The following NEB variants were observed in gnomAD, a reference collection of about 807,000 sequenced individuals.
NEB encodes the protein nebulin.
A neutral mutation model predicts 952.2 loss-of-function variants in NEB; 512 were observed. The observed-to-expected ratio is 0.54, with a 90% CI of 0.50 to 0.58. The LOEUF is 0.58. Ranked by LOEUF, NEB falls within the 20% of genes least tolerant of loss-of-function variation. NEB has a pLI of 0.00. For missense variants in NEB, 8,428 were observed against 9,231.1 expected, an observed-to-expected ratio of 0.91 and a Z score of 3.56; for synonymous variants, 2,900 against 3,149.8, an observed-to-expected ratio of 0.92 and a Z score of 2.66.
chr2:151,512,739 T>C lies in NEB; in HGVS notation c.23340A>G (p.Ser7780=), dbSNP rs761315020. The change falls in exon 161 of 182, where the codon TCA becomes TCG. Residue 7780 remains serine, a synonymous_variant. Coordinates refer to ENST00000397345, the MANE Select transcript of NEB (RefSeq NM_001164508.2). ...GCATGACGAATGTCCTTACCTGGCTTGAAAGATTCTTGACTTGTTGGGCAT... is the reference window on the plus strand; with the variant it reads ...GCATGACGAATGTCCTTACCTGGCTCGAAAGATTCTTGACTTGTTGGGCAT... ...IIHAQQVKNL[S]SQKKYKEDAE... 1.5e-5 allele frequency: 24 copies of C among 1,612,626 alleles called. No homozygotes were observed. The highest frequency in any genetic ancestry group is 2.0e-5 in the Non-Finnish European group (23 of 1,178,800).
intron 121 of NEB, 67 bp downstream of exon 121, chr2:151,562,043 G>T: frequency 7.8e-7 from 1 of 1,276,888 alleles, no homozygotes; most frequent in Non-Finnish European, 1.1e-6. Flanking sequence ...CTGCCCATCA[G>T]CCCACTGACA....
intron 63 of NEB, among the ~76,000 whole-genome samples, chr2:151,638,416 G>A (rs1308655928): frequency 6.6e-6 from 1 of 152,210 alleles, no homozygotes; most frequent in Non-Finnish European, 1.5e-5. Context: ...TATTGGATTT[G>A]AAGGTGAACC....
At chr2:151,697,723 A>G in intron 13 of NEB, 75 bp from the exon 14 acceptor site, 2 of 932,664 alleles carry the variant, frequency 2.1e-6, no homozygotes, top group Non-Finnish European at 3.3e-6. Flanking sequence ...ACATTTTCTA[A>G]CACTAAACAA....
At position 151,526,945 on chromosome 2, in the gene NEB, G is replaced by A; in HGVS notation, c.21918C>T (p.Ala7306=). ...CACTTTCTATTAAAGTATTCCTGAG[G>A]GCGAGCACCGTGTTTTTGTCATCAG... is the stretch of plus-strand genomic sequence containing the variant. ...SVTDDKNTVL[A]LRNTLIESDL... is the part of the protein sequence containing the mutation. The change falls in exon 148 of 182, where the codon GCC becomes GCT. Residue 7306 remains alanine (A), a synonymous_variant. Coordinates refer to ENST00000397345, the MANE Select transcript of NEB (RefSeq NM_001164508.2). 1.2e-6 allele frequency: 2 copies of A among 1,600,908 alleles called. No homozygotes were observed. The highest frequency in any genetic ancestry group is 2.2e-5 in the East Asian group (1 of 44,592).
In NEB at chr2:151,701,528, C is replaced by T. The variant is rs376866297; in HGVS notation, c.1153-3880G>A. On this transcript the variant is annotated intron_variant, in intron 13 of 181. Transcript: ENST00000397345. ...TTTTGGTTGGTAAACTATTGATTAT[C>T]GCCACAATTTCAGCTCCTGTTATTG... is the stretch of plus-strand genomic sequence containing the variant. Among the ~76,000 whole-genome samples, 157 of 150,824 alleles carry T rather than the reference C, an allele frequency of 1.0e-3. 1 individual carries two copies. Among genetic ancestry groups the T allele is most frequent in the African/African-American group, 3.4e-3 (138 of 40,922 alleles).
chr2:151,621,553 G>A (rs1455280568), intron 71 of NEB, among the ~76,000 whole-genome samples: 1 of 152,204 alleles, frequency 6.6e-6, no homozygotes, highest in Non-Finnish European at 1.5e-5. Flanking sequence ...TCGAGGACAT[G>A]AGGGTAGCAG....
chr2:151,554,032 A>G lies in NEB; in HGVS notation c.19429-7T>C, dbSNP rs561767644. 4.6e-5 allele frequency: 74 copies of G among 1,613,060 alleles called. No homozygotes were observed. The South Asian group carries it at 7.7e-4, about 17-fold the overall frequency. On this transcript the variant is annotated splice_region_variant and splice_polypyrimidine_tract_variant and intron_variant, in intron 125 of 181. Coordinates refer to ENST00000397345, the MANE Select transcript of NEB (RefSeq NM_001164508.2). ...AAACTGATCTGTACAGGCGCTGTAA[A>G]GTTAAAATCACATGCCAGTTATACA...
chr2:151,578,352 C>T (rs549074640), intron 105 of NEB, among the ~76,000 whole-genome samples: 6 of 149,506 alleles, frequency 4.0e-5, no homozygotes, highest in African/African-American at 1.2e-4. Flanking sequence ...ATGGTCCTGC[C>T]CTTCTTTGAT....
At chr2:151,525,343 G>T in intron 150 of NEB, 70 bp from the exon 151 acceptor site, 1 of 1,139,458 alleles carries the variant, frequency 8.8e-7, no homozygotes, top group Non-Finnish European at 1.3e-6. Context: ...TTGAAGAACT[G>T]TGAAATCTCC....
intron 8 of NEB, 127 bp downstream of exon 8, chr2:151,724,133 T>A (rs943776992): frequency 2.5e-5 from 19 of 757,950 alleles, no homozygotes; most frequent in Non-Finnish European, 3.7e-5. Context: ...GTCTCACATG[T>A]CTCAAGGCTA....
intron 78 of NEB, 28 bp from the exon 79 acceptor site, chr2:151,610,894 G>A: frequency 7.3e-7 from 1 of 1,375,346 alleles, no homozygotes; most frequent in Non-Finnish European, 1.0e-6. Context: ...ATGGGGCATG[G>A]GGAGAGGGAG....
At chr2:151,527,081 C>T in intron 147 of NEB, 59 bp from the exon 148 acceptor site, 1 of 1,168,014 alleles carries the variant, frequency 8.6e-7, no homozygotes, top group South Asian at 1.3e-5. Context: ...GGAAGCTGGG[C>T]ATTTGATTAA....
chr2:151,519,112 A>G (rs1319878813), intron 154 of NEB, 43 bp from the exon 155 acceptor site: 2 of 1,232,144 alleles, frequency 1.6e-6, no homozygotes, highest in African/African-American at 1.5e-5. Flanking sequence ...TAAATAGGAA[A>G]TGGAACAGCA....
chr2:151,701,943 T>C (rs1191830551), intron 13 of NEB, among the ~76,000 whole-genome samples: 6 of 141,016 alleles, frequency 4.3e-5, no homozygotes, highest in African/African-American at 1.6e-4. Flanking sequence ...TTCTAGTTCT[T>C]TTAATTGTGA....
At position 151,552,740 on chromosome 2, in the gene NEB, C is replaced by A; in HGVS notation, c.19768G>T (p.Asp6590Tyr). The change falls in exon 128 of 182, where the codon GAC becomes TAC. Residue 6590 changes from aspartate to tyrosine, a missense_variant. By Grantham distance (160) the Asp-to-Tyr change is radical. Coordinates refer to ENST00000397345, the MANE Select transcript of NEB (RefSeq NM_001164508.2). ...GGTGTATCTGTGACAAGCTTGTAGT[C>A]ATTCCTTGTTTTCAACATGTGAGCT... ...YKAHMLKTRNDYKLVTDTPVY... is the reference protein window; with the variant it reads ...YKAHMLKTRNYYKLVTDTPVY... The A allele has an allele frequency of 6.2e-7, 1 of 1,613,294 alleles. No individual in the cohort carries two copies. The highest frequency in any genetic ancestry group is 1.1e-5 in the South Asian group (1 of 90,952).
At chr2:151,675,461 T>G (rs2099352143) in intron 34 of NEB, 70 bp from the exon 35 acceptor site, 1 of 1,022,198 alleles carries the variant, frequency 9.8e-7, no homozygotes, top group Non-Finnish European at 1.4e-6. Flanking sequence ...AAGAGTTATT[T>G]TTAGCACAAT....
chr2:151,667,460 T>C (rs1400829190), intron 40 of NEB, among the ~76,000 whole-genome samples: 1 of 152,128 alleles, frequency 6.6e-6, no homozygotes, highest in African/African-American at 2.4e-5. Flanking sequence ...ATTAGGATTT[T>C]AGGAAATATT....
chr2:151,614,346 T>C lies in NEB; in HGVS notation c.11531A>G (p.His3844Arg). 6.2e-7 allele frequency: 1 copy of C among 1,613,952 alleles called. No homozygotes were observed. Residue 3844 changes from histidine (H) to arginine (R), a missense_variant, in exon 77 of 182, where the codon CAT becomes CGT. By Grantham distance (29) the His-to-Arg change is conservative (BLOSUM62 0). Transcript: ENST00000397345. ...VSDIDYKHPL[H>R]EWTCLPDQND... ...CTGATCAGGCAGGCAGGTCCATTCA[T>C]GCAGGGGATGCTTGTAGTCTATGTC...
intron 121 of NEB, among the ~76,000 whole-genome samples, 172 bp from the exon 122 acceptor site, chr2:151,561,484 G>T (rs55846441): frequency 6.6e-6 from 1 of 151,430 alleles, no homozygotes. Context: ...AGAATGAATA[G>T]CTTCTCTTGA....
Sources: gnomAD v4.1 joint callset for allele counts (sites outside exome capture counted in the v4.1 genomes callset) on GRCh38, gnomAD v4.1.1 for gene constraint, MANE v1.5 for transcripts, NCBI Gene and HGNC (gene_info 2026-07-23, HGNC 2026-07-21) for gene names.